NAA16: variants seen among roughly 807,000 people sequenced by gnomAD.
The protein encoded by NAA16 is N-alpha-acetyltransferase 16, NatA auxiliary subunit, also known as NARG1-like protein.
Under a neutral mutation model 110.3 loss-of-function variants are expected in NAA16, and 97 were observed. The ratio of observed to expected loss-of-function variants is 0.88; its 90% confidence interval spans 0.75 to 1.04. The LOEUF is 1.04. Ranked by LOEUF, NAA16 falls within the 50% of genes least tolerant of loss-of-function variation. The probability of loss-of-function intolerance (pLI) is 0.00; values close to 1 mark genes in which losing one functional copy is unlikely to be tolerated. For synonymous variants in NAA16, 372 were observed against 330.6 expected, an observed-to-expected ratio of 1.13 and a Z score of -1.36; for missense variants, 1,017 against 1,005.1, an observed-to-expected ratio of 1.01 and a Z score of -0.16.
chr13:41,329,405 G>A (rs897238655), intron 7 of NAA16, among the ~76,000 whole-genome samples: 2 of 151,508 alleles, frequency 1.3e-5, no homozygotes, highest in Non-Finnish European at 3.0e-5. Flanking sequence ...ATAATTAAGT[G>A]TTGGCAGGAA....
At chr13:41,346,214 C>T (rs764868513) in intron 9 of NAA16, among the ~76,000 whole-genome samples, 1 of 152,176 alleles carries the variant, frequency 6.6e-6, no homozygotes, top group Non-Finnish European at 1.5e-5. Flanking sequence ...TCCAGTTTTC[C>T]AGCACCATTC....
rs533958358 is a variant in NAA16 at position 41,356,127 on chromosome 13, G to A, written c.1087+911G>A. On this transcript the variant is annotated intron_variant, in intron 10 of 19. Transcript: ENST00000379406. The stretch of plus-strand genomic sequence containing the variant: ...GCTGAGTGGCAAGGACTACAGGCGT[G>A]TGCCACCATGCCTAGCTGATTTTGT... 2.0e-5 allele frequency among the ~76,000 whole-genome samples: 3 copies of A among 152,306 alleles called. No individual in the cohort carries two copies. The South Asian group carries it at 6.2e-4, about 32-fold the overall frequency.
At chr13:41,318,766 T>C (rs778799770) in intron 2 of NAA16, 40 bp from the exon 3 acceptor site, 6 of 1,123,826 alleles carry the variant, frequency 5.3e-6, no homozygotes, top group African/African-American at 1.6e-5. Context: ...GAGAATAATT[T>C]TGTGTCATTT....
intron 8 of NAA16, among the ~76,000 whole-genome samples, chr13:41,335,053 C>T (rs2042342759): frequency 6.6e-6 from 1 of 152,158 alleles, no homozygotes; most frequent in Non-Finnish European, 1.5e-5. Flanking sequence ...TTCATACCTG[C>T]ACAATCTAAT....
At chr13:41,371,575 C>G (rs935806811) in intron 15 of NAA16, among the ~76,000 whole-genome samples, 1 of 152,102 alleles carries the variant, frequency 6.6e-6, no homozygotes, top group Non-Finnish European at 1.5e-5. Context: ...ATTTTCTCTT[C>G]CTTATGACTT....
At chr13:41,333,558 A>G (rs536246212) in intron 8 of NAA16, among the ~76,000 whole-genome samples, 4 of 152,032 alleles carry the variant, frequency 2.6e-5, no homozygotes, top group South Asian at 2.1e-4. Context: ...TCCTCCTTTT[A>G]TTGGTCTCAA....
At chr13:41,320,846 G>T (rs1370365252) in intron 4 of NAA16, 22 bp downstream of exon 4, 1 of 1,566,452 alleles carries the variant, frequency 6.4e-7, no homozygotes. Context: ...ATTCTTAAAT[G>T]TACATGATTT....
intron 15 of NAA16, 139 bp downstream of exon 15, chr13:41,369,422 C>G: frequency 1.1e-6 from 1 of 894,836 alleles, no homozygotes; most frequent in East Asian, 2.8e-5. Context: ...CGTCAATTAT[C>G]TTTGAGTGAC....
rs76367097 is a variant in NAA16, at chr13:41,342,557, G to A, written c.1014+5801G>A. ...TTTTTGATTGGGTCTCAATCCTTCT[G>A]TTCCCGAGTTGGCATAACAGCAATA... On this transcript the variant is annotated intron_variant, in intron 9 of 19. Transcript: ENST00000379406. Among the ~76,000 whole-genome samples the A allele has an allele frequency of 2.6e-3, 391 of 152,258 alleles. 2 individuals carry two copies. Among genetic ancestry groups the A allele is most frequent in the African/African-American group, 9.0e-3 (374 of 41,532 alleles).
intron 6 of NAA16, among the ~76,000 whole-genome samples, chr13:41,327,295 G>T (rs2042119367): frequency 6.6e-6 from 1 of 151,886 alleles, no homozygotes; most frequent in Non-Finnish European, 1.5e-5. Flanking sequence ...ACTTATTGAT[G>T]GTAGCAAAGA....
At chr13:41,323,722 T>C (rs575746659) in intron 5 of NAA16, among the ~76,000 whole-genome samples, 1 of 151,788 alleles carries the variant, frequency 6.6e-6, no homozygotes, top group South Asian at 2.1e-4. Context: ...TGGGCTCAAA[T>C]GATCATCCTG....
chr13:41,320,321 A>G (rs1012621567), intron 3 of NAA16, among the ~76,000 whole-genome samples: 13 of 152,214 alleles, frequency 8.5e-5, no homozygotes, highest in Admixed American at 3.3e-4. Context: ...TGGGGTAGGA[A>G]AGTGATGGGA....
Position 41,369,552 on chromosome 13 carries a change from C to A in NAA16, c.1947+269C>A, listed in dbSNP as rs571551032. On this transcript the variant is annotated intron_variant, in intron 15 of 19. Coordinates refer to ENST00000379406, the MANE Select transcript of NAA16 (RefSeq NM_024561.5). ...CCCAGCCTGTGAATATGTAACCTTA[C>A]ATGGCAAGGGAGAATTAAGGTGGGA... 3.7e-4 allele frequency among the ~76,000 whole-genome samples: 57 copies of A among 152,316 alleles called. 2 individuals are homozygous for A. In the South Asian group the frequency reaches 0.011, roughly 29 times the overall value.
intron 18 of NAA16, among the ~76,000 whole-genome samples, chr13:41,374,317 C>G (rs922153519): frequency 2.0e-5 from 3 of 152,090 alleles, no homozygotes; most frequent in Non-Finnish European, 4.4e-5. Context: ...TCCTCTGTGA[C>G]AGTAATTTAT....
rs2042161140 is a variant in NAA16, at chr13:41,328,858, T to C, written c.811+15T>C. The C allele has an allele frequency of 6.4e-7, 1 of 1,573,690 alleles. No homozygotes were observed. The highest frequency in any genetic ancestry group is 1.4e-5 in the African/African-American group (1 of 73,912). ...TCTACAAATTAGTATGTAATGATTT[T>C]TCTCCTCTTTCTCATAACTACTGAT... is the stretch of plus-strand genomic sequence containing the variant. On this transcript the variant is annotated intron_variant, in intron 7 of 19. Transcript: ENST00000379406.
intron 17 of NAA16, chr13:41,373,163 AT>A: frequency 1.1e-6 from 1 of 928,282 alleles, no homozygotes; most frequent in Non-Finnish European, 1.3e-6. Context: ...AAATTAGTGC[AT>A]TTTTAGGCTA....
rs768603270 is a variant in NAA16 at position 41,318,758 on chromosome 13, G to T, written c.140-48G>T. On this transcript the variant is annotated intron_variant, in intron 2 of 19. Coordinates refer to ENST00000379406, the MANE Select transcript of NAA16 (RefSeq NM_024561.5). The stretch of plus-strand genomic sequence containing the variant: ...TTAAAGTACTATTAAGAGAATAAGA[G>T]AATAATTTTGTGTCATTTGTAAATA... 3 of 1,015,250 alleles carry T rather than the reference G, an allele frequency of 3.0e-6. No individual in the cohort carries two copies. The East Asian group carries it at 7.9e-5, about 27-fold the overall frequency. The allele number at this position is 1,015,250 out of a possible 1,614,324, so 62.9% of individuals were successfully genotyped here.
At chr13:41,327,705 G>T (rs886875601) in intron 6 of NAA16, among the ~76,000 whole-genome samples, 2 of 151,516 alleles carry the variant, frequency 1.3e-5, no homozygotes, top group African/African-American at 4.9e-5. Context: ...GTAAAAATTG[G>T]CCAGAAGATA....
intron 5 of NAA16, 86 bp downstream of exon 5, chr13:41,323,276 A>G (rs2041994306): frequency 2.3e-6 from 3 of 1,333,086 alleles, no homozygotes; most frequent in Admixed American, 4.3e-5. Context: ...GAATTAAAGT[A>G]TTTGAAACCT....
Sources: allele counts gnomAD v4.1 joint callset (sites outside exome capture counted in the v4.1 genomes callset), GRCh38; gene constraint gnomAD v4.1.1; transcripts MANE v1.5; gene names NCBI Gene and HGNC (gene_info 2026-07-23, HGNC 2026-07-21).